DYNC2H1: variants seen among roughly 807,000 people sequenced by gnomAD.
The protein encoded by DYNC2H1 is dynein cytoplasmic 2 heavy chain 1.
DYNC2H1 carries 410 observed loss-of-function variants against 570.0 expected under a neutral mutation model. The observed-to-expected ratio is 0.72, with a 90% CI of 0.66 to 0.78. DYNC2H1 has a LOEUF of 0.78. Ranked by LOEUF, DYNC2H1 falls within the 30% of genes least tolerant of loss-of-function variation. The pLI is 0.00. For synonymous variants in DYNC2H1, 1,688 were observed against 1,677.6 expected, an observed-to-expected ratio of 1.01 and a Z score of -0.15; for missense variants, 4,865 against 5,046.4, an observed-to-expected ratio of 0.96 and a Z score of 1.09.
intron 88 of DYNC2H1, among the ~76,000 whole-genome samples, chr11:103,476,814 G>A (rs554943288): frequency 6.6e-6 from 1 of 152,162 alleles, no homozygotes; most frequent in Non-Finnish European, 1.5e-5. Flanking sequence ...TTCATATAAT[G>A]CCCACTTAGG....
At chr11:103,458,249 G>T (rs1944864835) in intron 87 of DYNC2H1, among the ~76,000 whole-genome samples, 1 of 152,050 alleles carries the variant, frequency 6.6e-6, no homozygotes, top group South Asian at 2.1e-4. Context: ...TGTTCCAGTT[G>T]CCTACAGTAT....
intron 88 of DYNC2H1, 139 bp downstream of exon 88, chr11:103,468,844 AAGT>A: frequency 1.6e-6 from 1 of 612,862 alleles, no homozygotes; most frequent in East Asian, 2.9e-5. Context: ...TTGCAGTCAA[AAGT>A]ACTTTATCCT....
rs1789019048 is a variant in DYNC2H1 at position 103,134,330 on chromosome 11, C to T, written c.2116C>T (p.Leu706Phe). 6.2e-7 allele frequency: 1 copy of T among 1,612,516 alleles called. No homozygotes were observed. Among genetic ancestry groups the T allele is most frequent in the Non-Finnish European group, 8.5e-7 (1 of 1,179,072 alleles). Residue 706 changes from leucine (L) to phenylalanine (F), a missense_variant, in exon 15 of 89, where the codon CTT (leucine) becomes TTT (phenylalanine). Leu to Phe is a conservative substitution (Grantham distance 22). This residue lies in a region of DYNC2H1 where 1,936 missense variants were observed against 1,962.1 expected (regional missense o/e 0.99). Transcript: ENST00000375735. ...HTTFCEKVVV[L>F]MNIDLLRQQQ... ...CTCTAATTTTTCATAGGTGGTTGTT[C>T]TTATGAATATTGATCTGCTTCGGCA...
intron 10 of DYNC2H1, 28 bp from the exon 11 acceptor site, chr11:103,122,797 G>A (rs749088699): frequency 1.9e-6 from 3 of 1,595,016 alleles, no homozygotes; most frequent in Non-Finnish European, 2.6e-6. Context: ...TTTAAATAAT[G>A]CACATGTCTG....
chr11:103,419,265 C>T (rs1194093140), intron 84 of DYNC2H1, among the ~76,000 whole-genome samples: 2 of 152,206 alleles, frequency 1.3e-5, no homozygotes, highest in African/African-American at 2.4e-5. Flanking sequence ...CAATGCAGCA[C>T]ACTTGCTCTA....
chr11:103,134,505 A>T (rs924248574), intron 15 of DYNC2H1, 86 bp downstream of exon 15: 2 of 1,025,752 alleles, frequency 1.9e-6, no homozygotes, highest in Non-Finnish European at 2.7e-6. Flanking sequence ...CGAGAAGTTC[A>T]TAAAAGTTAT....
chr11:103,445,288 A>G (rs1236536875), intron 85 of DYNC2H1, among the ~76,000 whole-genome samples: 1 of 152,202 alleles, frequency 6.6e-6, no homozygotes, highest in African/African-American at 2.4e-5. Context: ...TTAGTATATG[A>G]AACTATCTTT....
chr11:103,109,552 A>G lies in DYNC2H1; in HGVS notation c.-23A>G, dbSNP rs1016146936. 2 of 1,607,612 alleles carry G rather than the reference A, an allele frequency of 1.2e-6. No homozygotes were observed. The highest frequency in any genetic ancestry group is 1.3e-5 in the African/African-American group (1 of 74,786). On this transcript the variant is annotated 5_prime_UTR_variant, in exon 1 of 89. Coordinates refer to ENST00000375735, the MANE Select transcript of DYNC2H1 (RefSeq NM_001377.3). ...TTCTTCTTCCTTCCCCCTTCCCCCA[A>G]CTTCCCTCCACCCCTTCCAATCATG...
intron 79 of DYNC2H1, among the ~76,000 whole-genome samples, chr11:103,316,256 G>A (rs1366644409): frequency 6.6e-6 from 1 of 151,784 alleles, no homozygotes; most frequent in Non-Finnish European, 1.5e-5. Context: ...TGTATATATA[G>A]CAATTAGAAT....
At chr11:103,298,994 A>G (rs1405105843) in intron 75 of DYNC2H1, among the ~76,000 whole-genome samples, 2 of 152,132 alleles carry the variant, frequency 1.3e-5, no homozygotes, top group Admixed American at 1.3e-4. Flanking sequence ...TAGAAATGGT[A>G]GTGACCAGAT....
intron 65 of DYNC2H1, among the ~76,000 whole-genome samples, chr11:103,251,291 A>G (rs1383898220): frequency 6.6e-6 from 1 of 152,126 alleles, no homozygotes; most frequent in East Asian, 1.9e-4. Context: ...ATCTCTATAA[A>G]TGTTTCAAGC....
At chr11:103,404,177 C>T (rs1942765716) in intron 84 of DYNC2H1, 1 of 151,792 alleles carries the variant, frequency 6.6e-6, no homozygotes, top group Non-Finnish European at 1.5e-5. Flanking sequence ...TTAAGACATA[C>T]AGGGTTTAAC....
At chr11:103,225,999 T>G (rs1375375897) in intron 59 of DYNC2H1, among the ~76,000 whole-genome samples, 1 of 151,986 alleles carries the variant, frequency 6.6e-6, no homozygotes, top group South Asian at 2.1e-4. Context: ...GAGTTCTTGA[T>G]TTGATTCTTA....
chr11:103,125,000 C>A, intron 11 of DYNC2H1, 100 bp from the exon 12 acceptor site: 3 of 813,160 alleles, frequency 3.7e-6, no homozygotes, highest in Non-Finnish European at 5.6e-6. Flanking sequence ...TTACTTTGAG[C>A]TAATATTAGA....
chr11:103,139,404 G>C (rs978737676), intron 17 of DYNC2H1, among the ~76,000 whole-genome samples: 6 of 151,838 alleles, frequency 4.0e-5, no homozygotes, highest in Non-Finnish European at 8.8e-5. Flanking sequence ...AGAGATTCTG[G>C]TATGTTGTGT....
In DYNC2H1 at chr11:103,461,520, C is replaced by T. The variant is rs1945010730; in HGVS notation, c.12648+5164C>T. 6.6e-6 allele frequency among the ~76,000 whole-genome samples: 1 copy of T among 152,126 alleles called. No homozygotes were observed. Among genetic ancestry groups the T allele is most frequent in the East Asian group, 1.9e-4 (1 of 5,196 alleles). On this transcript the variant is annotated intron_variant, in intron 87 of 88. Coordinates refer to ENST00000375735, the MANE Select transcript of DYNC2H1 (RefSeq NM_001377.3). This position sits in a 1 kb window ranked among gnomAD's most constrained non-coding sequence, Gnocchi z 4.8. ...ACTTGATATTGCAAAATACATAAATCAAGCTCCTGTTCAGCCTACATTTTA... is the reference window on the plus strand; with the variant it reads ...ACTTGATATTGCAAAATACATAAATTAAGCTCCTGTTCAGCCTACATTTTA...
intron 80 of DYNC2H1, among the ~76,000 whole-genome samples, chr11:103,317,622 C>G (rs1309625625): frequency 6.6e-6 from 1 of 152,078 alleles, no homozygotes; most frequent in Non-Finnish European, 1.5e-5. Context: ...TCTTTGTGTT[C>G]CTCAAACAAG....
At chr11:103,391,880 A>G (rs1039928781) in intron 83 of DYNC2H1, among the ~76,000 whole-genome samples, 1 of 151,000 alleles carries the variant, frequency 6.6e-6, no homozygotes, top group African/African-American at 2.4e-5. Context: ...AGGGGTACCC[A>G]GCCGTGTGAG....
rs1307958209 is a variant in DYNC2H1 at position 103,461,684 on chromosome 11, G to A, written c.12648+5328G>A. Among the ~76,000 whole-genome samples the A allele has an allele frequency of 1.3e-5, 2 of 151,370 alleles. No individual in the cohort carries two copies. Among genetic ancestry groups the A allele is most frequent in the African/African-American group, 2.4e-5 (1 of 41,216 alleles). ...ACTATATTGTAGCTCTGCATGGAAC[G>A]GTCAATTCCCTAGAAAATGTAAACA... On this transcript the variant is annotated intron_variant, in intron 87 of 88. Coordinates refer to ENST00000375735, the MANE Select transcript of DYNC2H1 (RefSeq NM_001377.3). The surrounding 1 kb of genome is among the most constrained non-coding windows in gnomAD (Gnocchi z 4.8).
Sources: gnomAD v4.1 joint callset for allele counts (sites outside exome capture counted in the v4.1 genomes callset) on GRCh38, gnomAD v4.1.1 for gene constraint, gnomAD v4.1.1 regional missense constraint, Gnocchi (gnomAD v3.1) non-coding constraint, MANE v1.5 for transcripts, NCBI Gene and HGNC (gene_info 2026-07-23, HGNC 2026-07-21) for gene names.